FAM83G: variants seen among roughly 807,000 people sequenced by gnomAD.
FAM83G encodes scaffolding CK1 anchoring protein G.
In FAM83G, 38 loss-of-function variants were observed where a neutral mutation model predicts 61.5. That is an observed-to-expected ratio of 0.62 (90% CI 0.48 to 0.81). The LOEUF (loss-of-function observed/expected upper bound fraction) is 0.81, where lower values mean the gene tolerates loss of function less well. Among genes scored for constraint, FAM83G ranks in the 30% least tolerant of loss-of-function variants. The pLI is 0.00. For missense variants in FAM83G, 989 were observed against 1,133.6 expected, an observed-to-expected ratio of 0.87 and a Z score of 1.83; for synonymous variants, 470 against 476.1, an observed-to-expected ratio of 0.99 and a Z score of 0.17.
At chr17:18,979,984 C>CATTT (rs2043088304) in intron 3 of FAM83G, among the ~76,000 whole-genome samples, 1 of 152,142 alleles carries the variant, frequency 6.6e-6, no homozygotes, top group South Asian at 2.1e-4. Context: ...GCTTACACAG[C>CATTT]CAGCCAGCTT....
At position 19,003,915 on chromosome 17, in the gene FAM83G, G is replaced by C; in HGVS notation, c.127C>G (p.Arg43Gly). 2 of 1,612,960 alleles carry C rather than the reference G, an allele frequency of 1.2e-6. No homozygotes were observed. The highest frequency in any genetic ancestry group is 8.5e-7 in the Non-Finnish European group (1 of 1,179,930). The change falls in exon 2 of 6, where the codon CGG becomes GGG. Residue 43 changes from arginine to glycine, a missense_variant. By Grantham distance (125) the Arg-to-Gly change is moderately radical (BLOSUM62 -2). Transcript: ENST00000388995. This position sits in a 1 kb window ranked among gnomAD's most constrained non-coding sequence, Gnocchi z 4.5. ...LALEALVARG[R>G]DAFYEVLKRE... ...TTGAGCACCTCGTAGAAGGCGTCCC[G>C]GCCGCGGGCCACCAGGGCCTCCAGC...
In FAM83G at chr17:19,000,135, G is replaced by GT. The variant is rs2043692927; in HGVS notation, c.522+3384dup. Reference sequence around the variant, plus strand: ...GTATGTAGTTGGAACCCCACAGCAGGTTTTTTCCCAGATAAATCATGGCTC... The same window carrying GT: ...GTATGTAGTTGGAACCCCACAGCAGGTTTTTTTCCCAGATAAATCATGGCTC... On this transcript the variant is annotated intron_variant, in intron 2 of 5. Coordinates refer to ENST00000388995, the MANE Select transcript of FAM83G (RefSeq NM_001039999.3). This position sits in a 1 kb window ranked among gnomAD's most constrained non-coding sequence, Gnocchi z 5.2. Among the ~76,000 whole-genome samples, 1 of 152,230 alleles carries GT rather than the reference G, an allele frequency of 6.6e-6. No individual in the cohort carries two copies. The highest frequency in any genetic ancestry group is 2.4e-5 in the African/African-American group (1 of 41,472).
Position 19,003,474 on chromosome 17 carries a change from G to A in FAM83G, c.522+46C>T. 1.3e-6 allele frequency: 2 copies of A among 1,498,670 alleles called. No individual in the cohort carries two copies. The highest frequency in any genetic ancestry group is 1.4e-5 in the South Asian group (1 of 72,976). 92.8% of individuals were successfully genotyped at this position (1,498,670 alleles called of 1,614,324 possible). A position where few individuals can be genotyped will look rare whatever the true frequency, so the allele number is the denominator to read the frequency against. ...AGTGAGCCTGTATTGAGAGGGGTCC[G>A]GTGGCTGGTTGGGCCATGGCTCCAG... On this transcript the variant is annotated intron_variant, in intron 2 of 5. Transcript: ENST00000388995. This position sits in a 1 kb window ranked among gnomAD's most constrained non-coding sequence, Gnocchi z 4.5.
rs1185488374 is a variant in FAM83G, at chr17:18,996,344, T to C, written c.522+7176A>G. On this transcript the variant is annotated intron_variant, in intron 2 of 5. Transcript: ENST00000388995. This position sits in a 1 kb window ranked among gnomAD's most constrained non-coding sequence, Gnocchi z 4.4. The stretch of plus-strand genomic sequence containing the variant: ...GCACCTCAGTTTTTCTATCATGACA[T>C]GGTCCCACTCCCCCTCCCCTCCTCC... Among the ~76,000 whole-genome samples, 2 of 152,012 alleles carry C rather than the reference T, an allele frequency of 1.3e-5. No homozygotes were observed. Among genetic ancestry groups the C allele is most frequent in the African/African-American group, 4.8e-5 (2 of 41,382 alleles).
chr17:19,002,037 ATCAGCAGCACTTCC>A (rs2043741236), intron 2 of FAM83G, among the ~76,000 whole-genome samples: 1 of 152,196 alleles, frequency 6.6e-6, no homozygotes, highest in South Asian at 2.1e-4. Flanking sequence ...AGGCACAGAC[ATCAGCAGCACTTCC>A]TCCACACCAC....
rs778142861 is a variant in FAM83G at position 18,978,153 on chromosome 17, G to A, written c.1513C>T (p.Pro505Ser). 4 of 1,530,148 alleles carry A rather than the reference G, an allele frequency of 2.6e-6. No homozygotes were observed. The highest frequency in any genetic ancestry group is 2.8e-5 in the African/African-American group (2 of 72,650). The allele number at this position is 1,530,148 out of a possible 1,614,324, so 94.8% of individuals were successfully genotyped here. The change falls in exon 5 of 6, where the codon CCC (proline) becomes TCC (serine). Residue 505 changes from proline (P) to serine (S), a missense_variant. By Grantham distance (74) the Pro-to-Ser change is moderately conservative. Coordinates refer to ENST00000388995, the MANE Select transcript of FAM83G (RefSeq NM_001039999.3). ...GCCACAGGGACTGTCCGGGGCTTGG[G>A]CACGGGGGGCAATGGCTCAGGGTCC... is the stretch of plus-strand genomic sequence containing the variant. ...QGDPEPLPPV[P>S]KPRTVPVADV...
intron 2 of FAM83G, among the ~76,000 whole-genome samples, chr17:18,992,432 G>A (rs2043451071): frequency 6.6e-6 from 1 of 152,220 alleles, no homozygotes; most frequent in Admixed American, 6.5e-5. Flanking sequence ...ATGCAGGGGT[G>A]ACAGCATCTC....
intron 5 of FAM83G, among the ~76,000 whole-genome samples, chr17:18,974,416 C>G (rs146581646): frequency 3.9e-5 from 6 of 152,262 alleles, no homozygotes; most frequent in African/African-American, 7.2e-5. Flanking sequence ...GAGCCCTGGT[C>G]TGGGCTCCCG....
chr17:18,988,252 G>T lies in FAM83G; in HGVS notation c.685C>A (p.Leu229Ile). The T allele has an allele frequency of 6.2e-7, 1 of 1,608,300 alleles. No individual in the cohort carries two copies. Among genetic ancestry groups the T allele is most frequent in the Non-Finnish European group, 8.5e-7 (1 of 1,175,250 alleles). ...CERACMHLGH[L>I]KNLRVRSSGG... ...CAAGTGAGGAGCCTGCTCACCTTGA[G>T]GTGCCCCAGGTGCATGCAGGCCCGC... The change falls in exon 3 of 6, where the codon CTC (leucine) becomes ATC (isoleucine). Residue 229 changes from leucine to isoleucine, a missense_variant. Around this residue, in one of 3 missense-constraint regions of FAM83G, gnomAD observed 371 missense variants for 404.5 expected, o/e 0.92. Transcript: ENST00000388995.
At position 18,978,807 on chromosome 17, in the gene FAM83G, C is replaced by A. The variant is rs1376162613; in HGVS notation, c.859G>T (p.Val287Leu). ...AARTDRNVIS[V>L]LSGQVVEMFD... ...ATCTCCACCACCTGGCCAGACAGCA[C>A]AGAGATCACATTCCGGTCCGTCCGC... Residue 287 changes from valine (V) to leucine (L), a missense_variant, in exon 5 of 6, where the codon GTG becomes TTG. Around this residue, in one of 3 missense-constraint regions of FAM83G, gnomAD observed 44 missense variants for 83.9 expected, o/e 0.52. Transcript: ENST00000388995. The A allele has an allele frequency of 1.2e-6, 2 of 1,612,970 alleles. No homozygotes were observed. Among genetic ancestry groups the A allele is most frequent in the Admixed American group, 3.3e-5 (2 of 60,024 alleles).
At chr17:18,988,538 C>T in intron 2 of FAM83G, 124 bp from the exon 3 acceptor site, 1 of 1,478,166 alleles carries the variant, frequency 6.8e-7, no homozygotes, top group Non-Finnish European at 9.1e-7. Context: ...TGGCCCTACT[C>T]CTGGAGCCTC....
intron 3 of FAM83G, among the ~76,000 whole-genome samples, chr17:18,980,955 G>A (rs2043115870): frequency 6.6e-6 from 1 of 152,152 alleles, no homozygotes; most frequent in African/African-American, 2.4e-5. Flanking sequence ...CCGGCTTCTG[G>A]CTCTCGGCTA....
chr17:19,005,892 A>G (rs1384609247), upstream of FAM83G, among the ~76,000 whole-genome samples: 2 of 152,218 alleles, frequency 1.3e-5, no homozygotes, highest in Non-Finnish European at 2.9e-5. Flanking sequence ...CCAGGGCCAG[A>G]GAGGGGAGGT....
chr17:19,005,647 A>ACCC (rs141784762), upstream of FAM83G, among the ~76,000 whole-genome samples: 1,215 of 136,794 alleles, frequency 8.9e-3, 11 homozygotes, highest in African/African-American at 0.031. Context: ...GTGCCCTCAA[A>ACCC]CCCCCCCCCT....
At position 18,977,575 on chromosome 17, in the gene FAM83G, C is replaced by A. The variant is rs1039903718; in HGVS notation, c.2082+9G>T. ...TCGTGACCCCTGGTGTGCAGGGACC[C>A]TGACCCACCTGTGCCTCCTTGTCTG... On this transcript the variant is annotated intron_variant, in intron 5 of 5. Transcript: ENST00000388995. The A allele has an allele frequency of 6.2e-7, 1 of 1,605,436 alleles. No homozygotes were observed. The highest frequency in any genetic ancestry group is 8.5e-7 in the Non-Finnish European group (1 of 1,178,648).
intron 3 of FAM83G, among the ~76,000 whole-genome samples, chr17:18,982,133 C>T (rs190350404): frequency 3.0e-4 from 46 of 152,358 alleles, no homozygotes; most frequent in African/African-American, 6.7e-4. Context: ...CCGTGTGAGC[C>T]GCAGGCCTCG....
At position 18,977,918 on chromosome 17, in the gene FAM83G, T is replaced by C. The variant is rs764706502; in HGVS notation, c.1748A>G (p.Asp583Gly). The change falls in exon 5 of 6, where the codon GAT becomes GGT. Residue 583 changes from aspartate to glycine, a missense_variant. By Grantham distance (94) the Asp-to-Gly change is moderately conservative. Transcript: ENST00000388995. ...PNGLDGVEEE[D>G]DDDYVTLSDQ... ...ACTGAGGGTTACGTAGTCGTCATCA[T>C]CTTCTTCTTCCACCCCATCCAGCCC... 9.9e-6 allele frequency: 16 copies of C among 1,609,874 alleles called. No individual in the cohort carries two copies. The Admixed American group carries it at 2.7e-4, about 27-fold the overall frequency.
intron 5 of FAM83G, among the ~76,000 whole-genome samples, chr17:18,972,980 C>T (rs1349998178): frequency 6.6e-6 from 1 of 152,220 alleles, no homozygotes; most frequent in African/African-American, 2.4e-5. Context: ...GCCCCTCATG[C>T]TCCGGCATGC....
intron 2 of FAM83G, among the ~76,000 whole-genome samples, chr17:18,991,160 G>A (rs1439098714): frequency 1.3e-5 from 2 of 152,228 alleles, no homozygotes; most frequent in African/African-American, 2.4e-5. Context: ...GGGAGGCCCA[G>A]CTCACTTGTG....
Sources: allele counts gnomAD v4.1 joint callset (sites outside exome capture counted in the v4.1 genomes callset), GRCh38; gene constraint gnomAD v4.1.1; regional missense constraint gnomAD v4.1.1; non-coding constraint Gnocchi (gnomAD v3.1); transcripts MANE v1.5; gene names NCBI Gene and HGNC (gene_info 2026-07-23, HGNC 2026-07-21).